DCAKD: variants seen among roughly 807,000 people sequenced by gnomAD.
DCAKD encodes the protein dephospho-CoA kinase domain containing, also known as dephospho-CoA kinase domain-containing protein.
DCAKD carries 15 observed loss-of-function variants against 18.7 expected under a neutral mutation model. That is an observed-to-expected ratio of 0.80 (90% confidence interval 0.54 to 1.24). DCAKD has a LOEUF of 1.24. Among genes scored for constraint, DCAKD ranks in the 50% most tolerant of loss-of-function variants. DCAKD has a pLI of 0.00. For missense variants in DCAKD, 301 were observed against 322.0 expected (o/e 0.93, Z 0.50); for synonymous variants, 130 against 133.0 (o/e 0.98, Z 0.16).
chr17:45,034,795 C>T lies in DCAKD; in HGVS notation c.91G>A (p.Val31Met), dbSNP rs541978855. The part of the protein sequence containing the change: ...FQQLGCAVID[V>M]DVMARHVVQP... The stretch of plus-strand genomic sequence containing the variant: ...TCACCGTGCCGGGCCATCACGTCCA[C>T]GTCAATCACCGCACAGCCCAGCTGC... Residue 31 changes from valine (V) to methionine (M), a missense_variant, in exon 2 of 5, where the codon GTG becomes ATG. Coordinates refer to ENST00000651974, the MANE Select transcript of DCAKD (RefSeq NM_001288655.2). 42 of 1,614,182 alleles carry T rather than the reference C, an allele frequency of 2.6e-5. No individual in the cohort carries two copies. The highest frequency in any genetic ancestry group is 1.6e-4 in the Middle Eastern group (1 of 6,062).
At chr17:45,053,447 G>T (rs2143405565), upstream of DCAKD, among the ~76,000 whole-genome samples, 1 of 149,360 alleles carries the variant, frequency 6.7e-6, no homozygotes, top group South Asian at 2.1e-4. Flanking sequence ...TTGAGATGGA[G>T]TTTTGCTCTT....
chr17:45,061,104 C>A, upstream of DCAKD: 9 of 1,323,830 alleles, frequency 6.8e-6, no homozygotes, highest in Non-Finnish European at 6.8e-6. Context: ...CAAAGCGTGG[C>A]CGAATGCCTA....
At chr17:45,059,890 G>A (rs2053829456) in intron 1 of DCAKD, among the ~76,000 whole-genome samples, 1 of 152,144 alleles carries the variant, frequency 6.6e-6, no homozygotes, top group South Asian at 2.1e-4. Context: ...CAGATCACGA[G>A]GTCAGGAGTT....
intron 1 of DCAKD, among the ~76,000 whole-genome samples, chr17:45,058,837 T>C (rs2053816897): frequency 6.6e-6 from 1 of 152,196 alleles, no homozygotes; most frequent in Non-Finnish European, 1.5e-5. Flanking sequence ...GTGACAGCTC[T>C]CAGACTGAGT....
chr17:45,049,451 A>T (rs2053641039), intron 1 of DCAKD, among the ~76,000 whole-genome samples: 1 of 151,850 alleles, frequency 6.6e-6, no homozygotes, highest in Admixed American at 6.6e-5. Flanking sequence ...GGAAAAAAAG[A>T]ACGATTTGAA....
intron 4 of DCAKD, among the ~76,000 whole-genome samples, chr17:45,026,035 C>T (rs1006534768): frequency 1.3e-5 from 2 of 151,896 alleles, no homozygotes; most frequent in African/African-American, 2.4e-5. Context: ...CTTCCTGCCT[C>T]AGCCTCCCAA....
chr17:45,035,342 G>C (rs557095689), intron 1 of DCAKD, among the ~76,000 whole-genome samples: 124 of 152,070 alleles, frequency 8.2e-4, no homozygotes, highest in African/African-American at 2.8e-3. Context: ...TTAGCTGGGC[G>C]TGGTGGCGTG....
intron 4 of DCAKD, among the ~76,000 whole-genome samples, chr17:45,029,030 T>G (rs2053118479): frequency 6.6e-6 from 1 of 152,210 alleles, no homozygotes; most frequent in Non-Finnish European, 1.5e-5. Context: ...AAAAAATGTT[T>G]TTATCCCTAA....
intron 1 of DCAKD, among the ~76,000 whole-genome samples, chr17:45,042,357 T>C (rs1299419118): frequency 6.6e-6 from 1 of 152,218 alleles, no homozygotes; most frequent in Admixed American, 6.5e-5. Flanking sequence ...CTTCTTCCCT[T>C]GGGACAGCTC....
rs148949186 is a variant in DCAKD at position 45,034,275 on chromosome 17, C to T, written c.228G>A (p.Gln76=). The T allele has an allele frequency of 6.2e-6, 10 of 1,614,096 alleles. No homozygotes were observed. In the African/African-American group the frequency reaches 1.2e-4, roughly 19 times the overall value. The change falls in exon 3 of 5, where the codon CAG becomes CAA. Residue 76 remains glutamine (Q), a synonymous_variant. Coordinates refer to ENST00000651974, the MANE Select transcript of DCAKD (RefSeq NM_001288655.2). ...CGTTGAGCAGCTGCCGCCGGTCAGG[C>T]TGGTTAAAGATCAGGTCCCCCAGGA... ...RKVLGDLIFN[Q]PDRRQLLNAI...
chr17:45,044,629 T>G (rs1369954223), intron 1 of DCAKD, among the ~76,000 whole-genome samples: 3 of 151,906 alleles, frequency 2.0e-5, no homozygotes, highest in Non-Finnish European at 4.4e-5. Flanking sequence ...AAGGCAGAGG[T>G]TGCAGTGAGC....
At position 45,051,508 on chromosome 17, in the gene DCAKD, C is replaced by T. The variant is rs2143391312; in HGVS notation, c.-262G>A. Reference sequence around the variant, plus strand: ...CCGCGGCCAGGGCCCGCCCCCTCCCCGGCGCCCGGCTGGCTCTCACCGGCC... The same window carrying T: ...CCGCGGCCAGGGCCCGCCCCCTCCCTGGCGCCCGGCTGGCTCTCACCGGCC... On this transcript the variant is annotated 5_prime_UTR_variant, in exon 1 of 5. Transcript: ENST00000651974. The T allele has an allele frequency of 6.6e-6, 1 of 151,770 alleles. No individual in the cohort carries two copies. The highest frequency in any genetic ancestry group is 1.5e-5 in the Non-Finnish European group (1 of 67,932). 9.4% of individuals were successfully genotyped at this position (151,770 alleles called of 1,614,324 possible).
intron 4 of DCAKD, chr17:45,026,543 T>C: frequency 4.3e-6 from 4 of 922,390 alleles, no homozygotes; most frequent in Non-Finnish European, 5.2e-6. Flanking sequence ...TTTAAATAAA[T>C]ATAGAGACGA....
chr17:45,048,982 T>C (rs1350857650), intron 1 of DCAKD, among the ~76,000 whole-genome samples: 3 of 151,458 alleles, frequency 2.0e-5, no homozygotes, highest in African/African-American at 7.3e-5. Context: ...CTGGGGAAGC[T>C]AAGGTGGGAG....
intron 3 of DCAKD, chr17:45,032,202 G>A (rs2053184090): frequency 1.2e-6 from 1 of 819,396 alleles, no homozygotes; most frequent in Non-Finnish European, 1.5e-6. Context: ...AAGGACACTG[G>A]CACAACATAG....
intron 1 of DCAKD, among the ~76,000 whole-genome samples, chr17:45,049,551 G>A (rs2053643780): frequency 6.6e-6 from 1 of 150,596 alleles, no homozygotes; most frequent in Admixed American, 6.6e-5. Context: ...AGACTTCACT[G>A]CAGGTTTAAA....
At chr17:45,029,393 T>G (rs995790954) in intron 4 of DCAKD, among the ~76,000 whole-genome samples, 1 of 152,254 alleles carries the variant, frequency 6.6e-6, no homozygotes, top group African/African-American at 2.4e-5. Flanking sequence ...CAGAGCCAAG[T>G]GCCCACCTAT....
intron 4 of DCAKD, among the ~76,000 whole-genome samples, chr17:45,029,158 AC>A (rs1250254032): frequency 2.6e-5 from 4 of 152,360 alleles, no homozygotes; most frequent in Admixed American, 1.3e-4. Context: ...CTGCAGGTTT[AC>A]TCACATAAGG....
intron 1 of DCAKD, among the ~76,000 whole-genome samples, chr17:45,043,418 G>T (rs2053485912): frequency 6.6e-6 from 1 of 152,176 alleles, no homozygotes; most frequent in Non-Finnish European, 1.5e-5. Flanking sequence ...TTACTTAAGG[G>T]TGTATGTATG....
Sources: gnomAD v4.1 joint callset for allele counts (sites outside exome capture counted in the v4.1 genomes callset) on GRCh38, gnomAD v4.1.1 for gene constraint, MANE v1.5 for transcripts, NCBI Gene and HGNC (gene_info 2026-07-23, HGNC 2026-07-21) for gene names.